The following PLCB1 variants were observed in gnomAD, a reference collection of about 807,000 sequenced individuals.
PLCB1 encodes the protein 1-phosphatidylinositol 4,5-bisphosphate phosphodiesterase beta-1.
PLCB1 carries 46 observed loss-of-function variants against 161.8 expected under a neutral mutation model. That is an observed-to-expected ratio of 0.28 (90% CI 0.22 to 0.36). PLCB1 has a LOEUF of 0.36. Ranked by LOEUF, PLCB1 falls within the 10% of genes least tolerant of loss-of-function variation. The pLI, the probability that PLCB1 is intolerant of heterozygous loss-of-function variation, is 1.00. For synonymous variants in PLCB1, 517 were observed against 503.7 expected (o/e 1.03, Z -0.35); for missense variants, 1,016 against 1,472.5 (o/e 0.69, Z 5.07).
chr20:8,765,268 A>G lies in PLCB1; in HGVS notation c.2840A>G (p.Glu947Gly). 6.2e-7 allele frequency: 1 copy of G among 1,614,128 alleles called. No individual in the cohort carries two copies. The highest frequency in any genetic ancestry group is 8.5e-7 in the Non-Finnish European group (1 of 1,179,958). The part of the protein sequence containing the change: ...HHKKTTDLIK[E>G]HTTKYNEIQN... Reference sequence around the variant, plus strand: ...AAGAAAACCACTGACCTTATCAAAGAACACACTACCAAGTATAATGAAATT... The same window carrying G: ...AAGAAAACCACTGACCTTATCAAAGGACACACTACCAAGTATAATGAAATT... The change falls in exon 26 of 32, where the codon GAA (glutamate) becomes GGA (glycine). Residue 947 changes from glutamate to glycine, a missense_variant. Physicochemically the swap from Glu to Gly is moderately conservative, Grantham distance 98 (BLOSUM62 -2). Coordinates refer to ENST00000338037, the MANE Select transcript of PLCB1 (RefSeq NM_015192.4).
chr20:8,357,891 T>C (rs956157659), intron 2 of PLCB1, among the ~76,000 whole-genome samples: 2 of 150,512 alleles, frequency 1.3e-5, no homozygotes, highest in African/African-American at 4.9e-5. Context: ...GGCTTCTCTG[T>C]TCTTGGAGTG....
At chr20:8,599,690 A>C (rs1296646436) in intron 3 of PLCB1, among the ~76,000 whole-genome samples, 2 of 84,936 alleles carry the variant, frequency 2.4e-5, no homozygotes, top group African/African-American at 5.2e-5. Context: ...TATCCTGCAG[A>C]GTGTTTTCCA....
intron 2 of PLCB1, among the ~76,000 whole-genome samples, chr20:8,269,243 A>G (rs1403165245): frequency 6.6e-6 from 1 of 150,850 alleles, no homozygotes; most frequent in East Asian, 2.0e-4. Flanking sequence ...CATCCCCCCA[A>G]CCCCTGACAG....
chr20:8,239,874 A>G (rs1250254993), intron 2 of PLCB1, among the ~76,000 whole-genome samples: 1 of 152,008 alleles, frequency 6.6e-6, no homozygotes, highest in African/African-American at 2.4e-5. Flanking sequence ...GCTGTGTTAA[A>G]TATCTTGCCC....
At chr20:8,768,485 A>G (rs1982488314) in intron 26 of PLCB1, among the ~76,000 whole-genome samples, 1 of 152,222 alleles carries the variant, frequency 6.6e-6, no homozygotes, top group South Asian at 2.1e-4. Flanking sequence ...TTTCCAAATT[A>G]GATCACAGGC....
chr20:8,176,841 T>G lies in PLCB1; in HGVS notation c.177+26470T>G, dbSNP rs527389404. 3.6e-4 allele frequency among the ~76,000 whole-genome samples: 55 copies of G among 152,176 alleles called. 1 individual carries two copies. The highest frequency in any genetic ancestry group is 1.3e-3 in the African/African-American group (54 of 41,526). ...TATCTCAATAAAATTTCAATGAAAT[T>G]AAAAGGAACCTCCAGAGTAGTGCCT... On this transcript the variant is annotated intron_variant, in intron 2 of 31. Coordinates refer to ENST00000338037, the MANE Select transcript of PLCB1 (RefSeq NM_015192.4).
intron 11 of PLCB1, among the ~76,000 whole-genome samples, 166 bp from the exon 12 acceptor site, chr20:8,708,504 A>G (rs565654571): frequency 1.3e-5 from 2 of 152,308 alleles, no homozygotes; most frequent in East Asian, 3.9e-4. Flanking sequence ...CAAGAGTCAG[A>G]ATTAGCACCG....
intron 25 of PLCB1, 52 bp downstream of exon 25, chr20:8,760,512 T>G: frequency 8.0e-7 from 1 of 1,253,422 alleles, no homozygotes; most frequent in Non-Finnish European, 1.2e-6. Flanking sequence ...TGTTACACAG[T>G]GGAAGTATTT....
chr20:8,455,354 A>G (rs1259202370), intron 3 of PLCB1, among the ~76,000 whole-genome samples: 3 of 150,986 alleles, frequency 2.0e-5, no homozygotes, highest in Non-Finnish European at 4.4e-5. Context: ...ATACTGGTCA[A>G]TTGGAAGTAT....
intron 3 of PLCB1, among the ~76,000 whole-genome samples, chr20:8,486,798 A>G (rs1306872384): frequency 6.6e-6 from 1 of 152,070 alleles, no homozygotes; most frequent in Non-Finnish European, 1.5e-5. Flanking sequence ...CCCGGCCTCC[A>G]AAATATTTTC....
At chr20:8,775,263 C>G (rs1417724693) in intron 27 of PLCB1, among the ~76,000 whole-genome samples, 2 of 152,044 alleles carry the variant, frequency 1.3e-5, no homozygotes, top group Non-Finnish European at 2.9e-5. Context: ...GTTTTATTTT[C>G]CAAAATGTTT....
chr20:8,628,779 A>T (rs1027845148), intron 4 of PLCB1, among the ~76,000 whole-genome samples: 5 of 152,184 alleles, frequency 3.3e-5, no homozygotes, highest in African/African-American at 1.2e-4. Context: ...TACTAAAAAT[A>T]CAAAATTAGC....
At chr20:8,624,513 A>C (rs1225897637) in intron 3 of PLCB1, among the ~76,000 whole-genome samples, 1 of 152,240 alleles carries the variant, frequency 6.6e-6, no homozygotes, top group Non-Finnish European at 1.5e-5. Context: ...GATTCAAACC[A>C]GCATTTAACT....
chr20:8,874,664 TAGACA>T (rs1377138645), intron 31 of PLCB1, among the ~76,000 whole-genome samples: 9 of 152,152 alleles, frequency 5.9e-5, no homozygotes, highest in Non-Finnish European at 4.4e-5. Flanking sequence ...AATATAGAGA[TAGACA>T]ATACATAATG....
chr20:8,862,653 G>T (rs1322071388), intron 31 of PLCB1, among the ~76,000 whole-genome samples: 1 of 152,130 alleles, frequency 6.6e-6, no homozygotes, highest in African/African-American at 2.4e-5. Context: ...ATTTATGATA[G>T]ATCTCCAGCC....
intron 2 of PLCB1, among the ~76,000 whole-genome samples, chr20:8,247,783 C>A (rs982297186): frequency 1.3e-5 from 2 of 151,872 alleles, no homozygotes; most frequent in Non-Finnish European, 2.9e-5. Context: ...GACTAAATGA[C>A]AAAGGACCAC....
chr20:8,210,856 A>G (rs1226539435), intron 2 of PLCB1, among the ~76,000 whole-genome samples: 1 of 152,104 alleles, frequency 6.6e-6, no homozygotes, highest in Non-Finnish European at 1.5e-5. Context: ...TTCATTTCTG[A>G]AATTTTGAAT....
intron 2 of PLCB1, among the ~76,000 whole-genome samples, chr20:8,200,354 G>A (rs58536373): frequency 0.045 from 6,768 of 151,898 alleles, 204 homozygotes; most frequent in South Asian, 0.071. Flanking sequence ...TAATCTACCT[G>A]GAGTCAATTT....
rs569964411 is a variant in PLCB1, at chr20:8,500,640, G to A, written c.247-127654G>A. Reference sequence around the variant, plus strand: ...CAACTGTGTGCAAATAGCTCACACCGTCTCTAAGTGTTTTATTTCTATAAT... The same window carrying A: ...CAACTGTGTGCAAATAGCTCACACCATCTCTAAGTGTTTTATTTCTATAAT... On this transcript the variant is annotated intron_variant, in intron 3 of 31. Transcript: ENST00000338037. 3.9e-5 allele frequency among the ~76,000 whole-genome samples: 6 copies of A among 152,218 alleles called. No homozygotes were observed. In the South Asian group the frequency reaches 8.3e-4, roughly 21 times the overall value.
Sources: allele counts gnomAD v4.1 joint callset (sites outside exome capture counted in the v4.1 genomes callset), GRCh38; gene constraint gnomAD v4.1.1; transcripts MANE v1.5; gene names NCBI Gene and HGNC (gene_info 2026-07-23, HGNC 2026-07-21).